The following DCLK2 variants were observed in gnomAD, a reference collection of about 807,000 sequenced individuals.
The protein encoded by DCLK2 is doublecortin like kinase 2, also known as serine/threonine-protein kinase DCLK2.
A neutral mutation model predicts 78.4 loss-of-function variants in DCLK2; 31 were observed. The observed-to-expected ratio is 0.40, with a 90% confidence interval of 0.30 to 0.53. The LOEUF (loss-of-function observed/expected upper bound fraction) is 0.53, where lower values mean the gene tolerates loss of function less well. DCLK2 is among the 20% of genes least tolerant of loss of function. The pLI, the probability that DCLK2 is intolerant of heterozygous loss-of-function variation, is 0.61. For missense variants in DCLK2, 872 were observed against 973.7 expected, an observed-to-expected ratio of 0.90 and a Z score of 1.39; for synonymous variants, 407 against 374.9, an observed-to-expected ratio of 1.09 and a Z score of -0.99.
intron 7 of DCLK2, among the ~76,000 whole-genome samples, chr4:150,224,223 A>G (rs1368436057): frequency 1.3e-5 from 2 of 151,888 alleles, no homozygotes; most frequent in African/African-American, 4.8e-5. Context: ...ATTTTCTTTA[A>G]TGCACAGAGA....
intron 3 of DCLK2, among the ~76,000 whole-genome samples, chr4:150,195,858 C>G (rs1055917868): frequency 6.6e-6 from 1 of 151,872 alleles, no homozygotes; most frequent in African/African-American, 2.4e-5. Context: ...ATAAGGTTTT[C>G]TGAGGATCAA....
intron 1 of DCLK2, among the ~76,000 whole-genome samples, chr4:150,100,942 A>G (rs988638825): frequency 1.3e-5 from 2 of 152,032 alleles, no homozygotes; most frequent in African/African-American, 4.8e-5. Flanking sequence ...AATAGAAGAC[A>G]TTGCTTCTCT....
At chr4:150,178,050 T>C (rs1737213257) in intron 2 of DCLK2, among the ~76,000 whole-genome samples, 1 of 152,192 alleles carries the variant, frequency 6.6e-6, no homozygotes, top group Non-Finnish European at 1.5e-5. Flanking sequence ...GCTGTAACTC[T>C]TCAATCCTGA....
chr4:150,145,963 T>C (rs115964232), intron 2 of DCLK2, among the ~76,000 whole-genome samples: 2 of 152,220 alleles, frequency 1.3e-5, no homozygotes, highest in Non-Finnish European at 2.9e-5. Context: ...CTGAAGAGCT[T>C]ATGCAGCTTC....
chr4:150,183,836 G>A (rs1045823916), intron 2 of DCLK2, among the ~76,000 whole-genome samples: 4 of 151,110 alleles, frequency 2.6e-5, no homozygotes, highest in South Asian at 2.1e-4. Flanking sequence ...TGGCTCAAAT[G>A]GTCCTTTAGT....
chr4:150,182,000 A>T (rs1737566159), intron 2 of DCLK2, among the ~76,000 whole-genome samples: 1 of 150,962 alleles, frequency 6.6e-6, no homozygotes, highest in Non-Finnish European at 1.5e-5. Context: ...CAAATGATTT[A>T]CCTTTCCTTT....
intron 1 of DCLK2, among the ~76,000 whole-genome samples, chr4:150,090,851 G>A (rs2150138758): frequency 6.6e-6 from 1 of 152,234 alleles, no homozygotes; most frequent in East Asian, 1.9e-4. Context: ...CAGGTGTATT[G>A]AAAAAGTAAT....
intron 14 of DCLK2, 70 bp downstream of exon 14, chr4:150,248,455 G>C: frequency 1.5e-6 from 2 of 1,316,632 alleles, no homozygotes; most frequent in African/African-American, 1.4e-5. Flanking sequence ...TCCTCACTGT[G>C]ATGTTTGCAC....
intron 2 of DCLK2, among the ~76,000 whole-genome samples, chr4:150,146,626 A>G (rs1734490406): frequency 6.6e-6 from 1 of 152,178 alleles, no homozygotes; most frequent in Non-Finnish European, 1.5e-5. Context: ...TTGCATCCCT[A>G]GTAAAGGGCT....
chr4:150,174,273 T>C (rs1736781542), intron 2 of DCLK2, among the ~76,000 whole-genome samples: 1 of 152,170 alleles, frequency 6.6e-6, no homozygotes, highest in African/African-American at 2.4e-5. Context: ...AGGAAGGAAG[T>C]GTTGGAATCT....
intron 2 of DCLK2, among the ~76,000 whole-genome samples, chr4:150,109,873 T>A (rs1219400206): frequency 6.6e-6 from 1 of 152,210 alleles, no homozygotes; most frequent in Non-Finnish European, 1.5e-5. Context: ...TAAGGTGACT[T>A]ACCTTAAATT....
At chr4:150,122,968 C>T (rs1193499967) in intron 2 of DCLK2, among the ~76,000 whole-genome samples, 1 of 152,236 alleles carries the variant, frequency 6.6e-6, no homozygotes, top group African/African-American at 2.4e-5. Context: ...TCACCACTCT[C>T]AGCCTTCATA....
chr4:150,252,201 C>T (rs2126647542), intron 15 of DCLK2, among the ~76,000 whole-genome samples: 1 of 152,320 alleles, frequency 6.6e-6, no homozygotes, highest in African/African-American at 2.4e-5. Context: ...CGAGAGCTAG[C>T]ATTGATGGAT....
At chr4:150,217,108 T>C (rs1404577570) in intron 5 of DCLK2, among the ~76,000 whole-genome samples, 3 of 152,164 alleles carry the variant, frequency 2.0e-5, no homozygotes, top group African/African-American at 7.2e-5. Context: ...GGGTTTAATC[T>C]TGAATGCCAT....
chr4:150,205,363 G>A (rs1295973809), intron 5 of DCLK2, among the ~76,000 whole-genome samples: 1 of 152,202 alleles, frequency 6.6e-6, no homozygotes, highest in Non-Finnish European at 1.5e-5. Context: ...AGAATAAAAA[G>A]AGGAATTCTG....
intron 1 of DCLK2, among the ~76,000 whole-genome samples, chr4:150,096,528 C>T (rs1730475912): frequency 6.6e-6 from 1 of 151,858 alleles, no homozygotes; most frequent in Non-Finnish European, 1.5e-5. Flanking sequence ...TGAGGGATGC[C>T]TGGGTGGGTG....
intron 2 of DCLK2, among the ~76,000 whole-genome samples, chr4:150,175,074 TTATATATTTATATATATATTTA>T: frequency 1.3e-4 from 1 of 7,960 alleles, no homozygotes; most frequent in East Asian, 3.3e-3. Flanking sequence ...TTATATATAT[TTATATATTTATATATATATTTA>T]TATATATTTA....
intron 2 of DCLK2, among the ~76,000 whole-genome samples, chr4:150,185,771 G>A (rs552733308): frequency 6.6e-6 from 1 of 151,870 alleles, no homozygotes; most frequent in East Asian, 1.9e-4. Context: ...ACACGTTTTT[G>A]TATCTTTTAA....
At chr4:150,093,411 T>C (rs1475679637) in intron 1 of DCLK2, among the ~76,000 whole-genome samples, 1 of 152,236 alleles carries the variant, frequency 6.6e-6, no homozygotes, top group Non-Finnish European at 1.5e-5. Context: ...GACGGAGTCT[T>C]GCCCTGTTGC....
Sources: allele counts gnomAD v4.1 joint callset (sites outside exome capture counted in the v4.1 genomes callset), GRCh38; gene constraint gnomAD v4.1.1; transcripts MANE v1.5; gene names NCBI Gene and HGNC (gene_info 2026-07-23, HGNC 2026-07-21).